P2RX5: variants seen among roughly 807,000 people sequenced by gnomAD.
P2RX5 encodes the protein P2X purinoceptor 5.
A neutral mutation model predicts 54.1 loss-of-function variants in P2RX5; 46 were observed. The ratio of observed to expected loss-of-function variants is 0.85; its 90% CI spans 0.67 to 1.09. The LOEUF (loss-of-function observed/expected upper bound fraction) is 1.09, where lower values mean the gene tolerates loss of function less well. Among genes scored for constraint, P2RX5 ranks in the 50% least tolerant of loss-of-function variants. The pLI is 0.00. For missense variants in P2RX5, 566 were observed against 549.8 expected (o/e 1.03, Z -0.29); for synonymous variants, 226 against 226.4 (o/e 1.00, Z 0.02).
the P2RX5 span, among the ~76,000 whole-genome samples, chr17:3,721,173 C>T: frequency 6.6e-6 from 1 of 151,980 alleles, no homozygotes; most frequent in Non-Finnish European, 1.5e-5. Context: ...AAGCAATCCA[C>T]CCACCTTAGC....
chr17:3,701,752 T>G, the P2RX5 span, among the ~76,000 whole-genome samples: 3 of 119,094 alleles, frequency 2.5e-5, no homozygotes, highest in African/African-American at 7.8e-5. Flanking sequence ...CTCTGTTTTT[T>G]TTTTTTTTGT....
intron 11 of P2RX5, among the ~76,000 whole-genome samples, chr17:3,679,154 G>A (rs540503860): frequency 2.6e-5 from 4 of 152,310 alleles, no homozygotes; most frequent in Non-Finnish European, 4.4e-5. Flanking sequence ...AAATCTCAGC[G>A]CTGCCATTCA....
In P2RX5 at chr17:3,688,203, G is replaced by A. The variant is rs779982198; in HGVS notation, c.888-98C>T. ...GCTCTGGGGACTTAGAAGGACTCCCGGAACCCTGACTCTCAGCAGCCCCAG... is the reference window on the plus strand; with the variant it reads ...GCTCTGGGGACTTAGAAGGACTCCCAGAACCCTGACTCTCAGCAGCCCCAG... On this transcript the variant is annotated intron_variant, in intron 8 of 11. Coordinates refer to ENST00000225328, the MANE Select transcript of P2RX5 (RefSeq NM_002561.4). The A allele has an allele frequency of 2.7e-4, 202 of 735,248 alleles. 1 individual carries two copies. The highest frequency in any genetic ancestry group is 5.9e-4 in the South Asian group (40 of 68,030). 45.5% of individuals were successfully genotyped at this position (735,248 alleles called of 1,614,324 possible). A position where few individuals can be genotyped will look rare whatever the true frequency, so the allele number is the denominator to read the frequency against.
the P2RX5 span, among the ~76,000 whole-genome samples, chr17:3,710,342 G>A: frequency 7.9e-5 from 12 of 151,820 alleles, no homozygotes; most frequent in East Asian, 1.8e-3. Context: ...CATGAGAATC[G>A]ATTGAACCTG....
At chr17:3,699,094 C>CACACACACA (rs57191097), upstream of P2RX5, among the ~76,000 whole-genome samples, 262 of 107,000 alleles carry the variant, frequency 2.4e-3, 2 homozygotes, top group South Asian at 0.016. Flanking sequence ...CACACACACA[C>CACACACACA]CTATATATAT....
At chr17:3,714,140 G>A in the P2RX5 span, among the ~76,000 whole-genome samples, 1 of 151,592 alleles carries the variant, frequency 6.6e-6, no homozygotes, top group Non-Finnish European at 1.5e-5. Flanking sequence ...TGTTAGCCAG[G>A]ATGGTCTCCA....
At chr17:3,709,658 T>G in the P2RX5 span, among the ~76,000 whole-genome samples, 16 of 152,140 alleles carry the variant, frequency 1.1e-4, no homozygotes, top group African/African-American at 3.6e-4. Flanking sequence ...CTCAAGCCTG[T>G]AATCCCAGCA....
At chr17:3,710,160 C>T in the P2RX5 span, among the ~76,000 whole-genome samples, 1 of 152,008 alleles carries the variant, frequency 6.6e-6, no homozygotes, top group Non-Finnish European at 1.5e-5. Context: ...GGCGTGGCGG[C>T]TCACGCCTGG....
chr17:3,699,879 A>AG, upstream of P2RX5, among the ~76,000 whole-genome samples: 2 of 26,660 alleles, frequency 7.5e-5, no homozygotes, highest in Admixed American at 3.3e-4. Context: ...GAAAGAAAGG[A>AG]AGGAAGGAAG....
the P2RX5 span, among the ~76,000 whole-genome samples, chr17:3,701,753 T>G: frequency 2.1e-3 from 247 of 119,360 alleles, 2 homozygotes; most frequent in African/African-American, 6.2e-3. Flanking sequence ...TCTGTTTTTT[T>G]TTTTTTTGTT....
At chr17:3,676,556 T>C in intron 11 of P2RX5, 1 of 985,426 alleles carries the variant, frequency 1.0e-6, no homozygotes, top group Non-Finnish European at 1.2e-6. Context: ...AGCCTCTTGG[T>C]CTCTAGGCAG....
chr17:3,709,368 A>G, the P2RX5 span, among the ~76,000 whole-genome samples: 1 of 152,226 alleles, frequency 6.6e-6, no homozygotes, highest in Non-Finnish European at 1.5e-5. Flanking sequence ...TTACTCATGT[A>G]CTTTACAAAA....
At position 3,690,412 on chromosome 17, in the gene P2RX5, G is replaced by A; in HGVS notation, c.533+15C>T. On this transcript the variant is annotated intron_variant, in intron 5 of 11. Coordinates refer to ENST00000225328, the MANE Select transcript of P2RX5 (RefSeq NM_002561.4). ...CTGGGAAACCCCTCAGGGTCCTGAG[G>A]CTGCAGCCACTCACTCCGGCCTGGA... 6.3e-7 allele frequency: 1 copy of A among 1,593,042 alleles called. No individual in the cohort carries two copies. The highest frequency in any genetic ancestry group is 8.6e-7 in the Non-Finnish European group (1 of 1,166,222).
chr17:3,718,012 A>G, the P2RX5 span: 1 of 152,342 alleles, frequency 6.6e-6, no homozygotes, highest in East Asian at 1.9e-4. Flanking sequence ...CTTCTTCTAA[A>G]CCCACAGATT....
Position 3,673,668 on chromosome 17 carries a change from G to A in P2RX5, c.*200C>T, listed in dbSNP as rs1597685567. 6.8e-7 allele frequency: 1 copy of A among 1,473,526 alleles called. No individual in the cohort carries two copies. Among genetic ancestry groups the A allele is most frequent in the South Asian group, 1.4e-5 (1 of 72,150 alleles). The allele number at this position is 1,473,526 out of a possible 1,614,324, so 91.3% of individuals were successfully genotyped here. On this transcript the variant is annotated 3_prime_UTR_variant, in exon 12 of 12. Transcript: ENST00000225328. The stretch of plus-strand genomic sequence containing the variant: ...GGGGGTGGGGCAAAAAGACAGCCAT[G>A]ATGGGTCCGTCCTGATGACCCCAGC...
intron 10 of P2RX5, among the ~76,000 whole-genome samples, chr17:3,681,274 C>T (rs1162953997): frequency 6.6e-6 from 1 of 152,144 alleles, no homozygotes; most frequent in African/African-American, 2.4e-5. Flanking sequence ...TGAGGGAGTA[C>T]TAAGGTGTCT....
intron 6 of P2RX5, among the ~76,000 whole-genome samples, 188 bp downstream of exon 6, chr17:3,689,882 A>G (rs930245570): frequency 1.3e-5 from 2 of 149,464 alleles, no homozygotes; most frequent in African/African-American, 2.5e-5. Context: ...GAACACACGC[A>G]CACACACAAA....
intron 11 of P2RX5, chr17:3,676,026 C>G (rs894639995): frequency 3.0e-6 from 3 of 985,264 alleles, no homozygotes; most frequent in Admixed American, 6.2e-5. Flanking sequence ...TCACCACCCC[C>G]GCCTTTCTGT....
chr17:3,678,687 A>G lies in P2RX5; in HGVS notation c.1259+903T>C, dbSNP rs140436067. Among the ~76,000 whole-genome samples the G allele has an allele frequency of 1.1e-3, 172 of 152,342 alleles. 3 individuals are homozygous for G. The highest frequency in any genetic ancestry group is 6.8e-3 in the Middle Eastern group (2 of 294). ...GAACGCTGCCAATTCCTGAGTCAGC[A>G]AGGAATGAAAGCTGGGCCAGGAGAA... On this transcript the variant is annotated intron_variant, in intron 11 of 11. Transcript: ENST00000225328.
Sources: gnomAD v4.1 joint callset for allele counts (sites outside exome capture counted in the v4.1 genomes callset) on GRCh38, gnomAD v4.1.1 for gene constraint, MANE v1.5 for transcripts, NCBI Gene and HGNC (gene_info 2026-07-23, HGNC 2026-07-21) for gene names.